The following DMXL1 variants were observed in gnomAD, a reference collection of about 807,000 sequenced individuals.
DMXL1 encodes the protein Dmx like 1, also known as dmX-like protein 1.
A neutral mutation model predicts 319.2 loss-of-function variants in DMXL1; 99 were observed. The ratio of observed to expected loss-of-function variants is 0.31; its 90% CI spans 0.26 to 0.37. DMXL1 has a LOEUF of 0.37. Among genes scored for constraint, DMXL1 ranks in the 10% least tolerant of loss-of-function variants. DMXL1 has a pLI of 1.00. For missense variants in DMXL1, 3,745 were observed against 3,595.6 expected, an observed-to-expected ratio of 1.04 and a Z score of -1.06; for synonymous variants, 1,385 against 1,235.2, an observed-to-expected ratio of 1.12 and a Z score of -2.54.
chr5:119,127,947 A>G (rs1763969256), intron 9 of DMXL1: 2 of 384,584 alleles, frequency 5.2e-6, no homozygotes, highest in Admixed American at 6.8e-5. Flanking sequence ...AAATGGTTTA[A>G]GTCCATGTCC....
At chr5:119,091,970 A>G (rs555719352) in intron 1 of DMXL1, among the ~76,000 whole-genome samples, 1 of 152,258 alleles carries the variant, frequency 6.6e-6, no homozygotes, top group South Asian at 2.1e-4. Flanking sequence ...CTTATGGGTT[A>G]GGGCTGGGAC....
At chr5:119,117,703 A>C (rs1374672837) in intron 7 of DMXL1, among the ~76,000 whole-genome samples, 1 of 152,012 alleles carries the variant, frequency 6.6e-6, no homozygotes, top group Non-Finnish European at 1.5e-5. Flanking sequence ...GAAAACAAGG[A>C]AGTAGACAGA....
chr5:119,162,170 G>A (rs951938974), intron 19 of DMXL1, among the ~76,000 whole-genome samples: 1 of 152,176 alleles, frequency 6.6e-6, no homozygotes. Flanking sequence ...AACAGGTGAT[G>A]TGCTCAAAGT....
Position 119,133,731 on chromosome 5 carries a change from C to T in DMXL1, c.1807C>T (p.His603Tyr). The change falls in exon 12 of 44, where the codon CAT (histidine) becomes TAT (tyrosine). Residue 603 changes from histidine (H) to tyrosine (Y), a missense_variant. Physicochemically the swap from His to Tyr is moderately conservative, Grantham distance 83. Transcript: ENST00000539542. ...GCCTAATGTTATGATGATATCAAAA[C>T]ATGCTGATGGTTCTCTGAATCAGTG... ...FTPNVMMISK[H>Y]ADGSLNQWLV... The T allele has an allele frequency of 6.2e-7, 1 of 1,614,194 alleles. No individual in the cohort carries two copies. The highest frequency in any genetic ancestry group is 8.5e-7 in the Non-Finnish European group (1 of 1,180,028).
intron 5 of DMXL1, among the ~76,000 whole-genome samples, chr5:119,114,215 A>C (rs1430066258): frequency 1.3e-5 from 2 of 152,196 alleles, no homozygotes; most frequent in Admixed American, 1.3e-4. Context: ...TCTCATTCTA[A>C]GGGAATGAAA....
chr5:119,226,069 A>G (rs752534064), intron 38 of DMXL1, among the ~76,000 whole-genome samples: 2 of 152,078 alleles, frequency 1.3e-5, no homozygotes, highest in Non-Finnish European at 2.9e-5. Context: ...TAAATATCCT[A>G]TACCTTAATC....
chr5:119,089,405 A>C (rs192502627), intron 1 of DMXL1, among the ~76,000 whole-genome samples: 2 of 141,646 alleles, frequency 1.4e-5, no homozygotes. Context: ...TCCTGGGTTC[A>C]AGCAGTTTTC....
In DMXL1 at chr5:119,165,179, A is replaced by G; in HGVS notation, c.4873-4A>G. On this transcript the variant is annotated splice_polypyrimidine_tract_variant and splice_region_variant and intron_variant, in intron 20 of 43. Coordinates refer to ENST00000539542, the MANE Select transcript of DMXL1 (RefSeq NM_001290321.3). Reference sequence around the variant, plus strand: ...AAATTTTGATCAATATTTTTTGATTATAGGTAGCTAAAGCAGCCTTTTATA... The same window carrying G: ...AAATTTTGATCAATATTTTTTGATTGTAGGTAGCTAAAGCAGCCTTTTATA... 1 of 1,553,644 alleles carries G rather than the reference A, an allele frequency of 6.4e-7. No homozygotes were observed. Among genetic ancestry groups the G allele is most frequent in the African/African-American group, 1.4e-5 (1 of 72,650 alleles).
chr5:119,226,132 A>G (rs1785506461), intron 38 of DMXL1, among the ~76,000 whole-genome samples: 2 of 152,136 alleles, frequency 1.3e-5, no homozygotes, highest in African/African-American at 4.8e-5. Context: ...TGATGGACCT[A>G]TTGTCAGAGG....
rs767000856 is a variant in DMXL1 at position 119,118,948 on chromosome 5, A to G, written c.877A>G (p.Thr293Ala). Reference sequence around the variant, plus strand: ...CCATTGGACTGAATCAATTAATTTAACAAATAACTTCAAGAGAAATGCTTC... The same window carrying G: ...CCATTGGACTGAATCAATTAATTTAGCAAATAACTTCAAGAGAAATGCTTC... ...CSHWTESINL[T>A]NNFKRNASSK... Residue 293 changes from threonine (T) to alanine (A), a missense_variant, in exon 8 of 44, where the codon ACA (threonine) becomes GCA (alanine). Transcript: ENST00000539542. 1 of 1,613,666 alleles carries G rather than the reference A, an allele frequency of 6.2e-7. No individual in the cohort carries two copies. Among genetic ancestry groups the G allele is most frequent in the Non-Finnish European group, 8.5e-7 (1 of 1,179,900 alleles).
chr5:119,088,564 C>T (rs1206206578), intron 1 of DMXL1, among the ~76,000 whole-genome samples: 2 of 152,170 alleles, frequency 1.3e-5, no homozygotes, highest in East Asian at 1.9e-4. Flanking sequence ...CTAGTCCTCT[C>T]TTCCTTTCTT....
intron 1 of DMXL1, among the ~76,000 whole-genome samples, chr5:119,075,231 CTTTTTTTTTCTT>C (rs1750551439): frequency 7.8e-6 from 1 of 127,706 alleles, no homozygotes; most frequent in Non-Finnish European, 1.6e-5. Flanking sequence ...CTGTTAGTTT[CTTTTTTTTTCTT>C]TTTTTTTTTT....
chr5:119,197,694 T>G (rs556785039), intron 31 of DMXL1, 61 bp from the exon 32 acceptor site: 3 of 1,499,364 alleles, frequency 2.0e-6, no homozygotes, highest in African/African-American at 2.8e-5. Flanking sequence ...TCAGTCTTTC[T>G]TAAAATTGAA....
rs1295673297 is a variant in DMXL1, at chr5:119,148,970, A to C, written c.3143A>C (p.Glu1048Ala). Residue 1048 changes from glutamate to alanine, a missense_variant, in exon 18 of 44, where the codon GAA (glutamate) becomes GCA (alanine). By Grantham distance (107) the Glu-to-Ala change is moderately radical. Transcript: ENST00000539542. ...ATAACTGTACCTGGTAGGCCTGTAG[A>C]AGTTAGCTGTGCACATACAAATCGT... ...SSITVPGRPV[E>A]VSCAHTNRLA... 6.2e-7 allele frequency: 1 copy of C among 1,613,840 alleles called. No homozygotes were observed. The highest frequency in any genetic ancestry group is 1.7e-5 in the Admixed American group (1 of 59,984).
chr5:119,186,228 A>G (rs746331387), intron 28 of DMXL1, among the ~76,000 whole-genome samples: 12 of 152,178 alleles, frequency 7.9e-5, no homozygotes, highest in East Asian at 1.9e-4. Context: ...AGATTGAGAA[A>G]TAGAGAGTGA....
chr5:119,186,964 T>C (rs71585206), intron 28 of DMXL1, among the ~76,000 whole-genome samples: 2,843 of 152,076 alleles, frequency 0.019, 53 homozygotes, highest in Middle Eastern at 0.037. Flanking sequence ...TTAGGAGATA[T>C]ATCTAATGTA....
At chr5:119,128,084 T>C in intron 9 of DMXL1, 1 of 468,562 alleles carries the variant, frequency 2.1e-6, no homozygotes, top group South Asian at 1.7e-5. Flanking sequence ...CAACAATTAC[T>C]ATTACCCATT....
intron 10 of DMXL1, 150 bp downstream of exon 10, chr5:119,129,573 A>G (rs1764346449): frequency 1.6e-6 from 1 of 620,654 alleles, no homozygotes; most frequent in East Asian, 2.8e-5. Context: ...TCTAATGTAG[A>G]TATTTCTGTT....
intron 1 of DMXL1, among the ~76,000 whole-genome samples, chr5:119,082,008 TATATATATATATAC>T (rs1043409987): frequency 2.6e-4 from 18 of 68,666 alleles, no homozygotes; most frequent in African/African-American, 7.1e-4. Flanking sequence ...TATATATATA[TATATATATATATAC>T]ACACACACAC....
Sources: allele counts gnomAD v4.1 joint callset (sites outside exome capture counted in the v4.1 genomes callset), GRCh38; gene constraint gnomAD v4.1.1; transcripts MANE v1.5; gene names NCBI Gene and HGNC (gene_info 2026-07-23, HGNC 2026-07-21).